Variants in RAB38 observed in about 807,000 individuals in gnomAD.
The protein encoded by RAB38 is ras-related protein Rab-38.
Under a neutral mutation model 18.4 loss-of-function variants are expected in RAB38, and 15 were observed. The observed-to-expected ratio is 0.82, with a 90% confidence interval of 0.55 to 1.26. RAB38 has a LOEUF of 1.26. Among genes scored for constraint, RAB38 ranks in the 50% most tolerant of loss-of-function variants. The pLI is 0.00. For missense variants in RAB38, 294 were observed against 267.4 expected, an observed-to-expected ratio of 1.10 and a Z score of -0.69; for synonymous variants, 101 against 104.4, an observed-to-expected ratio of 0.97 and a Z score of 0.20.
At chr11:87,855,415 G>T in the RAB38 span, among the ~76,000 whole-genome samples, 1 of 152,072 alleles carries the variant, frequency 6.6e-6, no homozygotes, top group Non-Finnish European at 1.5e-5. Context: ...GCTTACTGAG[G>T]TTGTATATCA....
At chr11:87,941,214 G>GATAGATATATAT in the RAB38 span, among the ~76,000 whole-genome samples, 29 of 62,550 alleles carry the variant, frequency 4.6e-4, no homozygotes, top group Non-Finnish European at 5.5e-4. Context: ...AAATATATGA[G>GATAGATATATAT]ATATATATAT....
the RAB38 span, among the ~76,000 whole-genome samples, chr11:87,864,577 G>C: frequency 6.6e-6 from 1 of 151,364 alleles, no homozygotes; most frequent in Non-Finnish European, 1.5e-5. Context: ...TTACTTTTTT[G>C]ACAGCAAATG....
the RAB38 span, among the ~76,000 whole-genome samples, chr11:88,040,703 AAACAACAACAACAACAAC>A: frequency 8.7e-5 from 13 of 149,152 alleles, no homozygotes; most frequent in Middle Eastern, 3.4e-3. Context: ...ACCCTGTCTC[AAACAACAACAACAACAAC>A]AACAACAACA....
chr11:88,027,355 G>C, the RAB38 span, among the ~76,000 whole-genome samples: 2 of 152,150 alleles, frequency 1.3e-5, no homozygotes, highest in Non-Finnish European at 2.9e-5. Flanking sequence ...TCACTAAGGA[G>C]TGCCAGACAG....
At chr11:88,166,245 C>T (rs544095261) in intron 1 of RAB38, 1 of 152,240 alleles carries the variant, frequency 6.6e-6, no homozygotes, top group South Asian at 2.1e-4. Flanking sequence ...TAAAGCCAAA[C>T]TGTGGATGAC....
chr11:88,145,867 G>A (rs1002587207), intron 2 of RAB38, among the ~76,000 whole-genome samples: 4 of 152,004 alleles, frequency 2.6e-5, no homozygotes, highest in African/African-American at 7.3e-5. Flanking sequence ...GGAATTTGGG[G>A]GGCAAAATGG....
chr11:88,114,196 G>A (rs1390781145), intron 2 of RAB38, 56 bp from the exon 3 acceptor site: 1 of 1,561,624 alleles, frequency 6.4e-7, no homozygotes, highest in Non-Finnish European at 8.8e-7. Context: ...AATAATGCTA[G>A]AGCAGAGACT....
the RAB38 span, among the ~76,000 whole-genome samples, chr11:87,974,061 T>C: frequency 1.2e-4 from 18 of 151,838 alleles, no homozygotes; most frequent in African/African-American, 4.4e-4. Flanking sequence ...CCATGTATCA[T>C]CAACAATTGT....
the RAB38 span, among the ~76,000 whole-genome samples, chr11:87,878,283 T>G: frequency 7.0e-6 from 1 of 142,280 alleles, no homozygotes; most frequent in Non-Finnish European, 1.5e-5. Context: ...TCTATCTATC[T>G]ATCTATCTAT....
the RAB38 span, among the ~76,000 whole-genome samples, chr11:87,930,692 G>A: frequency 6.6e-6 from 1 of 152,174 alleles, no homozygotes; most frequent in Non-Finnish European, 1.5e-5. Context: ...GGTTTTAATG[G>A]TTTGAGGTCC....
the RAB38 span, among the ~76,000 whole-genome samples, chr11:87,960,402 A>T: frequency 3.3e-5 from 5 of 151,752 alleles, no homozygotes; most frequent in East Asian, 9.6e-4. Context: ...AAAAGAGAGA[A>T]ATAAGACTTT....
the RAB38 span, among the ~76,000 whole-genome samples, chr11:88,004,910 A>C: frequency 1.5e-3 from 220 of 151,514 alleles, 1 homozygote; most frequent in Middle Eastern, 0.017. Context: ...TACTAAACCT[A>C]CAGGGTTAGA....
the RAB38 span, among the ~76,000 whole-genome samples, chr11:87,841,644 C>A: frequency 6.6e-6 from 1 of 152,116 alleles, no homozygotes; most frequent in African/African-American, 2.4e-5. Flanking sequence ...CCAGTCCACC[C>A]ACACACCAGA....
At chr11:88,023,465 C>T in the RAB38 span, among the ~76,000 whole-genome samples, 1 of 151,638 alleles carries the variant, frequency 6.6e-6, no homozygotes, top group Non-Finnish European at 1.5e-5. Flanking sequence ...TTAAACTGTC[C>T]ATATTACCCA....
chr11:87,939,530 C>G, the RAB38 span, among the ~76,000 whole-genome samples: 1 of 151,970 alleles, frequency 6.6e-6, no homozygotes, highest in Admixed American at 6.6e-5. Context: ...TTGTCCTTCT[C>G]AAATCTTAAA....
chr11:88,134,707 A>G (rs1389520740), intron 2 of RAB38, among the ~76,000 whole-genome samples: 1 of 152,238 alleles, frequency 6.6e-6, no homozygotes, highest in African/African-American at 2.4e-5. Context: ...TCATTCTTAA[A>G]TATTGCAATA....
chr11:88,091,358 G>A, the RAB38 span, among the ~76,000 whole-genome samples: 1 of 152,032 alleles, frequency 6.6e-6, no homozygotes, highest in Non-Finnish European at 1.5e-5. Context: ...CTCACATGAG[G>A]TGATGGTACT....
At chr11:88,083,418 T>C in the RAB38 span, among the ~76,000 whole-genome samples, 1 of 151,924 alleles carries the variant, frequency 6.6e-6, no homozygotes, top group Non-Finnish European at 1.5e-5. Context: ...TTATTTTAAC[T>C]GGTAGCATGC....
chr11:88,016,651 C>G, the RAB38 span, among the ~76,000 whole-genome samples: 1 of 151,992 alleles, frequency 6.6e-6, no homozygotes, highest in African/African-American at 2.4e-5. Context: ...TCAATGTGCA[C>G]TTTAGTCCAT....
Sources: allele counts gnomAD v4.1 joint callset (sites outside exome capture counted in the v4.1 genomes callset), GRCh38; gene constraint gnomAD v4.1.1; transcripts MANE v1.5; gene names NCBI Gene and HGNC (gene_info 2026-07-23, HGNC 2026-07-21).